Variants in CNTNAP4 observed in about 807,000 individuals in gnomAD.
CNTNAP4 encodes the protein contactin associated protein family member 4, also known as contactin-associated protein-like 4.
A neutral mutation model predicts 148.4 loss-of-function variants in CNTNAP4; 98 were observed. The observed-to-expected ratio is 0.66, with a 90% CI of 0.56 to 0.78. The LOEUF (loss-of-function observed/expected upper bound fraction) is 0.78, where lower values mean the gene tolerates loss of function less well. Among genes scored for constraint, CNTNAP4 ranks in the 30% least tolerant of loss-of-function variants. The pLI, the probability that CNTNAP4 is intolerant of heterozygous loss-of-function variation, is 0.00. For synonymous variants in CNTNAP4, 730 were observed against 565.1 expected, an observed-to-expected ratio of 1.29 and a Z score of -4.14; for missense variants, 1,935 against 1,565.6, an observed-to-expected ratio of 1.24 and a Z score of -3.98.
chr16:76,355,136 T>C (rs952156441), intron 2 of CNTNAP4, among the ~76,000 whole-genome samples, 182 bp from the exon 3 acceptor site: 11 of 152,208 alleles, frequency 7.2e-5, no homozygotes, highest in African/African-American at 2.4e-4. Context: ...TTAATTAACA[T>C]AGACATCATA....
intron 9 of CNTNAP4, among the ~76,000 whole-genome samples, chr16:76,464,501 T>C (rs2081105463): frequency 6.6e-6 from 1 of 152,186 alleles, no homozygotes; most frequent in Non-Finnish European, 1.5e-5. Context: ...CTGCTCTCTA[T>C]CACTAGGATC....
intron 3 of CNTNAP4, among the ~76,000 whole-genome samples, chr16:76,407,550 G>T (rs112578686): frequency 0.026 from 3,931 of 152,136 alleles, 79 homozygotes; most frequent in Non-Finnish European, 0.035. Context: ...CAAGACTTCA[G>T]TGGAGGAAGG....
chr16:76,449,919 T>C (rs1200056836), intron 7 of CNTNAP4, 61 bp downstream of exon 7: 1 of 1,440,930 alleles, frequency 6.9e-7, no homozygotes, highest in African/African-American at 1.4e-5. Context: ...CACAGTAAAA[T>C]TCCTCCATTT....
At chr16:76,552,322 G>A (rs2084986330) in intron 21 of CNTNAP4, among the ~76,000 whole-genome samples, 1 of 152,094 alleles carries the variant, frequency 6.6e-6, no homozygotes, top group South Asian at 2.1e-4. Flanking sequence ...TTTGGATGGG[G>A]ACACAGAGCC....
At position 76,355,361 on chromosome 16, in the gene CNTNAP4, G is replaced by A. The variant is rs780177745; in HGVS notation, c.240G>A (p.Trp80Ter). 1.9e-6 allele frequency: 3 copies of A among 1,602,542 alleles called. No individual in the cohort carries two copies. Among genetic ancestry groups the A allele is most frequent in the Non-Finnish European group, 2.6e-6 (3 of 1,174,098 alleles). Residue 80 changes from tryptophan (W) to a stop codon, truncating the protein, a stop_gained, in exon 3 of 24, where the codon TGG (tryptophan) becomes TGA (stop). Coordinates refer to ENST00000611870, the MANE Select transcript of CNTNAP4 (RefSeq NM_033401.5). LOFTEE classifies it high-confidence loss of function. ...CACTTGTGTCTAACAAATACCAGTG[G>A]TTGCAGATTGACCTTGGAGAGAGAA... ...WSPLVSNKYQ[W>*]LQIDLGERME...
At chr16:76,369,527 G>C (rs9932888) in intron 3 of CNTNAP4, among the ~76,000 whole-genome samples, 1 of 152,184 alleles carries the variant, frequency 6.6e-6, no homozygotes, top group African/African-American at 2.4e-5. Flanking sequence ...TCCAAAGGCA[G>C]AAGAACATGA....
chr16:76,471,336 A>G (rs1046361602), intron 10 of CNTNAP4, among the ~76,000 whole-genome samples: 1 of 152,190 alleles, frequency 6.6e-6, no homozygotes, highest in South Asian at 2.1e-4. Context: ...AGTTGCTTGG[A>G]CGTAAAACAC....
intron 21 of CNTNAP4, among the ~76,000 whole-genome samples, chr16:76,542,852 G>C (rs2084524195): frequency 6.6e-6 from 1 of 152,128 alleles, no homozygotes; most frequent in Non-Finnish European, 1.5e-5. Flanking sequence ...ACTATGTCAA[G>C]ATGTCAAGAA....
At chr16:76,475,240 T>C (rs754567425) in intron 10 of CNTNAP4, among the ~76,000 whole-genome samples, 1 of 152,230 alleles carries the variant, frequency 6.6e-6, no homozygotes, top group African/African-American at 2.4e-5. Flanking sequence ...ACATGGTACT[T>C]GCTTTTTAAA....
intron 3 of CNTNAP4, among the ~76,000 whole-genome samples, chr16:76,418,768 T>C (rs2079077301): frequency 6.6e-6 from 1 of 151,878 alleles, no homozygotes; most frequent in Admixed American, 6.6e-5. Flanking sequence ...CTTGTAATAT[T>C]TTGTTGAAAC....
At chr16:76,518,456 C>T (rs1044607659) in intron 15 of CNTNAP4, among the ~76,000 whole-genome samples, 1 of 151,924 alleles carries the variant, frequency 6.6e-6, no homozygotes, top group Non-Finnish European at 1.5e-5. Context: ...TCTCTAGTAC[C>T]CTATATTGAA....
chr16:76,557,887 A>T (rs1037306783), intron 23 of CNTNAP4: 1 of 152,216 alleles, frequency 6.6e-6, no homozygotes, highest in Non-Finnish European at 1.5e-5. Context: ...ATATAATGCC[A>T]GCGTTGGTAA....
chr16:76,364,233 C>CAAAAAAAAAAAAAA (rs58589609), intron 3 of CNTNAP4, among the ~76,000 whole-genome samples: 6 of 48,182 alleles, frequency 1.2e-4, no homozygotes, highest in East Asian at 8.8e-4. Flanking sequence ...GATTCCATCT[C>CAAAAAAAAAAAAAA]AAAAAAAAAA....
chr16:76,391,071 C>T (rs1379402391), intron 3 of CNTNAP4, among the ~76,000 whole-genome samples: 1 of 152,006 alleles, frequency 6.6e-6, no homozygotes, highest in Non-Finnish European at 1.5e-5. Context: ...CTATAGTCAC[C>T]CTATTGTGCT....
chr16:76,455,750 G>C (rs371435277), intron 8 of CNTNAP4, among the ~76,000 whole-genome samples: 3 of 152,196 alleles, frequency 2.0e-5, no homozygotes, highest in East Asian at 3.9e-4. Flanking sequence ...AATGGCCTAG[G>C]TATAATTGCC....
In CNTNAP4 at chr16:76,277,448, A is replaced by AG; in HGVS notation, c.-215_-214insG. On this transcript the variant is annotated 5_prime_UTR_variant, in exon 1 of 24. Transcript: ENST00000611870. ...AGGTGTGTGTGAGAGAGAGAGAGAA[A>AG]AGAGAGAGACAGAGACGGGGAGAGA... is the stretch of plus-strand genomic sequence containing the variant. 3.7e-6 allele frequency: 2 copies of AG among 536,526 alleles called. No individual in the cohort carries two copies. Among genetic ancestry groups the AG allele is most frequent in the East Asian group, 5.9e-5 (2 of 33,820 alleles). 33.2% of individuals were successfully genotyped at this position (536,526 alleles called of 1,614,324 possible). A position where few individuals can be genotyped will look rare whatever the true frequency, so the allele number is the denominator to read the frequency against.
intron 4 of CNTNAP4, among the ~76,000 whole-genome samples, chr16:76,438,471 GAAGA>G (rs2079915979): frequency 6.6e-6 from 1 of 152,184 alleles, no homozygotes; most frequent in East Asian, 1.9e-4. Context: ...TTTAAAAAGG[GAAGA>G]AAGAAATCCC....
intron 3 of CNTNAP4, among the ~76,000 whole-genome samples, chr16:76,395,139 C>A (rs1405406112): frequency 6.6e-6 from 1 of 152,180 alleles, no homozygotes; most frequent in African/African-American, 2.4e-5. Flanking sequence ...TTGGGAGGCA[C>A]TGCAGCCAGG....
chr16:76,379,981 T>A (rs1299611339), intron 3 of CNTNAP4, among the ~76,000 whole-genome samples: 1 of 152,204 alleles, frequency 6.6e-6, no homozygotes, highest in Non-Finnish European at 1.5e-5. Flanking sequence ...TATTTTTGTC[T>A]ATCTACTTTA....
Sources: gnomAD v4.1 joint callset for allele counts (sites outside exome capture counted in the v4.1 genomes callset) on GRCh38, gnomAD v4.1.1 for gene constraint, MANE v1.5 for transcripts, NCBI Gene and HGNC (gene_info 2026-07-23, HGNC 2026-07-21) for gene names.